The following ZNF24 variants were observed in gnomAD, a reference collection of about 807,000 sequenced individuals.
ZNF24 encodes zinc finger protein 24.
A neutral mutation model predicts 40.9 loss-of-function variants in ZNF24; 11 were observed. The ratio of observed to expected loss-of-function variants is 0.27; its 90% CI spans 0.17 to 0.45. The LOEUF (loss-of-function observed/expected upper bound fraction) is 0.45. Among genes scored for constraint, ZNF24 ranks in the 20% least tolerant of loss-of-function variants. The pLI, the probability that ZNF24 is intolerant of heterozygous loss-of-function variation, is 1.00. For synonymous variants in ZNF24, 139 were observed against 154.7 expected (o/e 0.90, Z 0.75); for missense variants, 293 against 437.7 (o/e 0.67, Z 2.95).
chr18:35,343,729 T>C (rs1347735368), intron 1 of ZNF24: 4 of 152,302 alleles, frequency 2.6e-5, no homozygotes, highest in African/African-American at 9.6e-5. Context: ...CTTCCTTTTA[T>C]GCTGTAGAGC....
chr18:35,339,069 G>A, intron 3 of ZNF24: 1 of 1,535,264 alleles, frequency 6.5e-7, no homozygotes, highest in Non-Finnish European at 8.7e-7. Flanking sequence ...TTCAAGGAAT[G>A]ATTACTAAAG....
chr18:35,338,307 A>G (rs1024117509), intron 3 of ZNF24: 31 of 985,392 alleles, frequency 3.1e-5, no homozygotes, highest in Non-Finnish European at 3.0e-5. Context: ...GGGGCTGAAG[A>G]TAAGCTGGGG....
rs2044933049 is a variant in ZNF24 at position 35,338,461 on chromosome 18, G to C, written c.569-691C>G. ...TTATTTCTAAGCCTCAGTGAAACGT[G>C]TCCAATGAAAGAAAAGCCTGAATTA... On this transcript the variant is annotated intron_variant, in intron 3 of 3. Transcript: ENST00000261332. The C allele has an allele frequency of 1.6e-5, 16 of 985,292 alleles. No homozygotes were observed. In the South Asian group the frequency reaches 6.6e-4, roughly 40 times the overall value. 61.0% of individuals were successfully genotyped at this position (985,292 alleles called of 1,614,324 possible). A position where few individuals can be genotyped will look rare whatever the true frequency, so the allele number is the denominator to read the frequency against.
rs745562278 is a variant in ZNF24 at position 35,335,579 on chromosome 18, T to C, written c.*1653A>G. 3.3e-5 allele frequency: 5 copies of C among 152,166 alleles called. No individual in the cohort carries two copies. The highest frequency in any genetic ancestry group is 7.4e-5 in the Non-Finnish European group (5 of 68,022). 9.4% of individuals were successfully genotyped at this position (152,166 alleles called of 1,614,324 possible). On this transcript the variant is annotated 3_prime_UTR_variant, in exon 4 of 4. Coordinates refer to ENST00000261332, the MANE Select transcript of ZNF24 (RefSeq NM_006965.4). Reference sequence around the variant, plus strand: ...GAACTAGGAAATATTTGTATTCACATGGGTCATTTTCCACACAATGATGCC... The same window carrying C: ...GAACTAGGAAATATTTGTATTCACACGGGTCATTTTCCACACAATGATGCC...
chr18:35,334,389 A>C lies in ZNF24; in HGVS notation c.*2843T>G, dbSNP rs2044885179. Reference sequence around the variant, plus strand: ...CTTGCTTTCCTAGTCCACAAATCTAAGTGAGATAGGTACGGTGTCTAAGCC... The same window carrying C: ...CTTGCTTTCCTAGTCCACAAATCTACGTGAGATAGGTACGGTGTCTAAGCC... On this transcript the variant is annotated 3_prime_UTR_variant, in exon 4 of 4. Coordinates refer to ENST00000261332, the MANE Select transcript of ZNF24 (RefSeq NM_006965.4). 1 of 152,220 alleles carries C rather than the reference A, an allele frequency of 6.6e-6. No individual in the cohort carries two copies. The highest frequency in any genetic ancestry group is 2.4e-5 in the African/African-American group (1 of 41,456). 9.4% of individuals were successfully genotyped at this position (152,220 alleles called of 1,614,324 possible).
chr18:35,343,389 C>T (rs535838433), intron 1 of ZNF24, among the ~76,000 whole-genome samples: 1 of 152,272 alleles, frequency 6.6e-6, no homozygotes, highest in East Asian at 1.9e-4. Context: ...CTTCTACCTT[C>T]AGTGAAACTG....
intron 1 of ZNF24, chr18:35,343,882 C>A: frequency 6.4e-6 from 1 of 156,472 alleles, no homozygotes; most frequent in South Asian, 1.8e-4. Context: ...GGCCCGACGT[C>A]CTCTAGCCCC....
intron 1 of ZNF24, chr18:35,343,928 C>G (rs917514044): frequency 3.9e-5 from 6 of 152,844 alleles, no homozygotes; most frequent in African/African-American, 1.4e-4. Flanking sequence ...TTTCAGATGA[C>G]CAAAGGCCAC....
chr18:35,340,852 A>G lies in ZNF24; in HGVS notation c.-83-119T>C, dbSNP rs1283673093. 3 of 554,818 alleles carry G rather than the reference A, an allele frequency of 5.4e-6. No individual in the cohort carries two copies. Among genetic ancestry groups the G allele is most frequent in the Non-Finnish European group, 9.2e-6 (3 of 326,310 alleles). The allele number at this position is 554,818 out of a possible 1,614,324, so 34.4% of individuals were successfully genotyped here. ...AGTTAAAAATTCCAATCAATAACCTACACCAGGAATTGGCAAACTACAGCT... is the reference window on the plus strand; with the variant it reads ...AGTTAAAAATTCCAATCAATAACCTGCACCAGGAATTGGCAAACTACAGCT... On this transcript the variant is annotated intron_variant, in intron 1 of 3. Coordinates refer to ENST00000261332, the MANE Select transcript of ZNF24 (RefSeq NM_006965.4). This position sits in a 1 kb window ranked among gnomAD's most constrained non-coding sequence, Gnocchi z 4.6.
intron 3 of ZNF24, 34 bp downstream of exon 3, chr18:35,339,795 C>A: frequency 6.4e-7 from 1 of 1,554,090 alleles, no homozygotes; most frequent in South Asian, 1.2e-5. Flanking sequence ...TACTCTCTTT[C>A]ACCCTCTAGC....
rs1260779405 is a variant in ZNF24 at position 35,334,908 on chromosome 18, A to G, written c.*2324T>C. On this transcript the variant is annotated 3_prime_UTR_variant, in exon 4 of 4. Coordinates refer to ENST00000261332, the MANE Select transcript of ZNF24 (RefSeq NM_006965.4). ...TCCCACAGAGCTTTGCCTTAGCCTC[A>G]GAATCCTTTCTGAACAATGCAGATA... 1 of 152,178 alleles carries G rather than the reference A, an allele frequency of 6.6e-6. No homozygotes were observed. Among genetic ancestry groups the G allele is most frequent in the Admixed American group, 6.5e-5 (1 of 15,274 alleles). The allele number at this position is 152,178 out of a possible 1,614,324, so 9.4% of individuals were successfully genotyped here. A position where few individuals can be genotyped will look rare whatever the true frequency, so the allele number is the denominator to read the frequency against.
In ZNF24 at chr18:35,340,428, C is replaced by T; in HGVS notation, c.223G>A (p.Glu75Lys). 1 of 1,614,216 alleles carries T rather than the reference C, an allele frequency of 6.2e-7. No homozygotes were observed. Among genetic ancestry groups the T allele is most frequent in the East Asian group, 2.2e-5 (1 of 44,886 alleles). Residue 75 changes from glutamate (E) to lysine (K), a missense_variant, in exon 2 of 4, where the codon GAA (glutamate) becomes AAA (lysine). This residue lies in a region of ZNF24 where 234 missense variants were observed against 299.2 expected (regional missense o/e 0.78). Transcript: ENST00000261332. This position sits in a 1 kb window ranked among gnomAD's most constrained non-coding sequence, Gnocchi z 4.6. ...GPREAVSQLR[E>K]LCRLWLRPET... Reference sequence around the variant, plus strand: ...GGCCTGAGCCACAGACGGCAAAGTTCTCGGAGCTGGCTCACAGCCTCACGG... The same window carrying T: ...GGCCTGAGCCACAGACGGCAAAGTTTTCGGAGCTGGCTCACAGCCTCACGG...
intron 1 of ZNF24, chr18:35,344,025 C>T (rs185291217): frequency 6.6e-6 from 1 of 152,422 alleles, no homozygotes; most frequent in African/African-American, 2.4e-5. Flanking sequence ...AGTCTCGTCC[C>T]ACTACCACCC....
In ZNF24 at chr18:35,334,921, A is replaced by G. The variant is rs1435667960; in HGVS notation, c.*2311T>C. 2.0e-5 allele frequency: 3 copies of G among 152,174 alleles called. No homozygotes were observed. The highest frequency in any genetic ancestry group is 7.2e-5 in the African/African-American group (3 of 41,430). 9.4% of individuals were successfully genotyped at this position (152,174 alleles called of 1,614,324 possible). ...TGCCTTAGCCTCAGAATCCTTTCTGAACAATGCAGATATTAGAGCTGCCAA... is the reference window on the plus strand; with the variant it reads ...TGCCTTAGCCTCAGAATCCTTTCTGGACAATGCAGATATTAGAGCTGCCAA... On this transcript the variant is annotated 3_prime_UTR_variant, in exon 4 of 4. Coordinates refer to ENST00000261332, the MANE Select transcript of ZNF24 (RefSeq NM_006965.4).
At chr18:35,339,241 CT>C (rs1295422725) in intron 3 of ZNF24, among the ~76,000 whole-genome samples, 1 of 152,096 alleles carries the variant, frequency 6.6e-6, no homozygotes, top group African/African-American at 2.4e-5. Flanking sequence ...CAACTTTGAG[CT>C]TTTAAAAAAG....
At position 35,340,232 on chromosome 18, in the gene ZNF24, G is replaced by A. The variant is rs186145654; in HGVS notation, c.419C>T (p.Pro140Leu). 8.7e-6 allele frequency: 14 copies of A among 1,609,338 alleles called. No homozygotes were observed. The highest frequency in any genetic ancestry group is 2.2e-5 in the South Asian group (2 of 90,994). Reference sequence around the variant, plus strand: ...AGGAAATGACACAAGCAGGCTCACCGGTTGTCCAGGGTCATCAAGTTCACT... The same window carrying A: ...AGGAAATGACACAAGCAGGCTCACCAGTTGTCCAGGGTCATCAAGTTCACT... ...LESELDDPGQ[P>L]VSLRRRKREV... Residue 140 changes from proline to leucine, a missense_variant and splice_region_variant, in exon 2 of 4, where the codon CCG (proline) becomes CTG (leucine). Pro to Leu is a moderately conservative substitution (Grantham distance 98, BLOSUM62 -3). Around this residue, in one of 2 missense-constraint regions of ZNF24, gnomAD observed 234 missense variants for 299.2 expected, o/e 0.78. Transcript: ENST00000261332. The surrounding 1 kb of genome is among the most constrained non-coding windows in gnomAD (Gnocchi z 4.6).
At position 35,337,499 on chromosome 18, in the gene ZNF24, T is replaced by C; in HGVS notation, c.840A>G (p.Gly280=). Residue 280 remains glycine, a synonymous_variant, in exon 4 of 4, where the codon GGA becomes GGG. Coordinates refer to ENST00000261332, the MANE Select transcript of ZNF24 (RefSeq NM_006965.4). ...TGAATGCTTTCCCACACTCAACACA[T>C]CCATAAGGTTTCTCCCCACTGTGAA... ...QRIHSGEKPY[G]CVECGKAFSR... is the part of the protein sequence containing the mutation. 6.2e-7 allele frequency: 1 copy of C among 1,614,118 alleles called. No individual in the cohort carries two copies. The highest frequency in any genetic ancestry group is 8.5e-7 in the Non-Finnish European group (1 of 1,179,962).
In ZNF24 at chr18:35,340,484, C is replaced by T; in HGVS notation, c.167G>A (p.Arg56Lys). The change falls in exon 2 of 4, where the codon AGG becomes AAG. Residue 56 changes from arginine (R) to lysine (K), a missense_variant. By Grantham distance (26) the Arg-to-Lys change is conservative. Transcript: ENST00000261332. This position sits in a 1 kb window ranked among gnomAD's most constrained non-coding sequence, Gnocchi z 4.6. ...AGGTGAATCCTGGTATCCAAACTGC[C>T]TGAATCGCTGTCGGAAAATCTCTGG... ...PDPEIFRQRF[R>K]QFGYQDSPGP... The T allele has an allele frequency of 6.2e-7, 1 of 1,614,250 alleles. No homozygotes were observed. Among genetic ancestry groups the T allele is most frequent in the Non-Finnish European group, 8.5e-7 (1 of 1,180,034 alleles).
chr18:35,339,917 T>C lies in ZNF24; in HGVS notation c.480A>G (p.Glu160=). The C allele has an allele frequency of 6.2e-7, 1 of 1,613,574 alleles. No individual in the cohort carries two copies. Among genetic ancestry groups the C allele is most frequent in the East Asian group, 2.2e-5 (1 of 44,842 alleles). ...VLVEDMVSQE[E]AQGLPSSELD... ...GCTCAGAACTTGGTAATCCCTGAGCTTCTTCTTGAGATACCATGTCTTCTA... is the reference window on the plus strand; with the variant it reads ...GCTCAGAACTTGGTAATCCCTGAGCCTCTTCTTGAGATACCATGTCTTCTA... The change falls in exon 3 of 4, where the codon GAA becomes GAG. Residue 160 remains glutamate, a synonymous_variant. Coordinates refer to ENST00000261332, the MANE Select transcript of ZNF24 (RefSeq NM_006965.4).
Sources: gnomAD v4.1 joint callset for allele counts (sites outside exome capture counted in the v4.1 genomes callset) on GRCh38, gnomAD v4.1.1 for gene constraint, gnomAD v4.1.1 regional missense constraint, Gnocchi (gnomAD v3.1) non-coding constraint, MANE v1.5 for transcripts, NCBI Gene and HGNC (gene_info 2026-07-23, HGNC 2026-07-21) for gene names.